Variants in ITPR1 observed in about 807,000 individuals in gnomAD.
ITPR1 encodes the protein inositol 1,4,5-trisphosphate-gated calcium channel ITPR1.
Under a neutral mutation model 318.4 loss-of-function variants are expected in ITPR1, and 96 were observed. The observed-to-expected ratio is 0.30, with a 90% CI of 0.26 to 0.36. The LOEUF (loss-of-function observed/expected upper bound fraction) is 0.36. Ranked by LOEUF, ITPR1 falls within the 10% of genes least tolerant of loss-of-function variation. The pLI is 1.00. For synonymous variants in ITPR1, 1,312 were observed against 1,289.9 expected, an observed-to-expected ratio of 1.02 and a Z score of -0.37; for missense variants, 2,440 against 3,460.2, an observed-to-expected ratio of 0.71 and a Z score of 7.40.
intron 60 of ITPR1, among the ~76,000 whole-genome samples, chr3:4,833,743 C>T (rs2050682351): frequency 6.6e-6 from 1 of 152,208 alleles, no homozygotes; most frequent in Non-Finnish European, 1.5e-5. Context: ...TGTGAAATGC[C>T]CTCATGCTTG....
chr3:4,771,972 T>TCTAA (rs1475716554), intron 46 of ITPR1, among the ~76,000 whole-genome samples: 1 of 152,118 alleles, frequency 6.6e-6, no homozygotes, highest in African/African-American at 2.4e-5. Flanking sequence ...CCCCCAGGGT[T>TCTAA]CTGCAGGGCC....
chr3:4,820,220 T>C (rs2049605631), intron 60 of ITPR1, among the ~76,000 whole-genome samples: 1 of 152,200 alleles, frequency 6.6e-6, no homozygotes, highest in Admixed American at 6.5e-5. Flanking sequence ...CACAGACCTG[T>C]CCACATGCAC....
At chr3:4,575,301 A>G (rs180981140) in intron 4 of ITPR1, among the ~76,000 whole-genome samples, 364 of 152,316 alleles carry the variant, frequency 2.4e-3, no homozygotes, top group African/African-American at 8.4e-3. Flanking sequence ...TTTAAATGGG[A>G]TTTATCTATC....
chr3:4,589,106 T>A (rs1354150841), intron 4 of ITPR1, among the ~76,000 whole-genome samples: 1 of 152,140 alleles, frequency 6.6e-6, no homozygotes, highest in East Asian at 1.9e-4. Context: ...GAGGGTTGCT[T>A]GAGCTCAGGA....
intron 44 of ITPR1, among the ~76,000 whole-genome samples, chr3:4,765,755 C>G (rs1397831699): frequency 6.6e-6 from 1 of 152,072 alleles, no homozygotes; most frequent in Non-Finnish European, 1.5e-5. Flanking sequence ...AGCGAATACT[C>G]ATAAATGAAG....
At chr3:4,792,320 G>A (rs1559905000) in intron 52 of ITPR1, among the ~76,000 whole-genome samples, 1 of 152,230 alleles carries the variant, frequency 6.6e-6, no homozygotes, top group Non-Finnish European at 1.5e-5. Context: ...TCAACATGTT[G>A]GAGGGGGGCA....
chr3:4,709,646 T>G (rs1337596878), intron 37 of ITPR1, among the ~76,000 whole-genome samples: 3 of 152,378 alleles, frequency 2.0e-5, no homozygotes, highest in Admixed American at 2.0e-4. Context: ...TTTGTTGTGT[T>G]GGTTTTGCTG....
intron 5 of ITPR1, among the ~76,000 whole-genome samples, chr3:4,635,478 C>A (rs1033826426): frequency 6.6e-6 from 1 of 151,514 alleles, no homozygotes; most frequent in Non-Finnish European, 1.5e-5. Context: ...GTAGCTGGGA[C>A]TACAGGTGCC....
intron 31 of ITPR1, 29 bp downstream of exon 31, chr3:4,688,649 A>G (rs2094434592): frequency 1.2e-6 from 2 of 1,603,482 alleles, no homozygotes; most frequent in Middle Eastern, 1.6e-4. Context: ...CTGCAAATCT[A>G]TAGAGGGAGG....
chr3:4,744,924 CCTTCCTTCCTTCCTTCCTTCCT>C, intron 44 of ITPR1, among the ~76,000 whole-genome samples: 2 of 102,438 alleles, frequency 2.0e-5, no homozygotes, highest in Non-Finnish European at 4.0e-5. Context: ...TTCCTTCCTT[CCTTCCTTCCTTCCTTCCTTCCT>C]TCCCTCCCTC....
At chr3:4,815,017 G>A (rs749665127) in intron 58 of ITPR1, 36 bp from the exon 59 acceptor site, 2 of 1,555,586 alleles carry the variant, frequency 1.3e-6, no homozygotes, top group Admixed American at 1.8e-5. Flanking sequence ...AGGGTCGCAA[G>A]GGACCCAGAC....
chr3:4,726,341 T>TAAAAAA (rs11294154), intron 41 of ITPR1, among the ~76,000 whole-genome samples: 2 of 146,240 alleles, frequency 1.4e-5, no homozygotes, highest in Non-Finnish European at 3.0e-5. Flanking sequence ...ATGATGCAGT[T>TAAAAAA]AAAAAAAAAA....
intron 44 of ITPR1, among the ~76,000 whole-genome samples, chr3:4,764,928 A>G (rs1315438245): frequency 6.7e-6 from 1 of 150,160 alleles, no homozygotes; most frequent in Non-Finnish European, 1.5e-5. Flanking sequence ...GACAAATGCA[A>G]AAATAAGTAG....
At position 4,735,892 on chromosome 3, in the gene ITPR1, A is replaced by T. The variant is rs530563420; in HGVS notation, c.5544+538A>T. Among the ~76,000 whole-genome samples, 5 of 152,376 alleles carry T rather than the reference A, an allele frequency of 3.3e-5. No individual in the cohort carries two copies. The South Asian group carries it at 8.3e-4, about 25-fold the overall frequency. On this transcript the variant is annotated intron_variant, in intron 44 of 61. Coordinates refer to ENST00000649015, the MANE Select transcript of ITPR1 (RefSeq NM_001378452.1). ...ACCAGGCTATGTTAGTCAGAAATGA[A>T]TAGATGACTTTTTGAAAGGTAGGTA...
In ITPR1 at chr3:4,689,619, T is replaced by A. The variant is rs569265142; in HGVS notation, c.3828+999T>A. Among the ~76,000 whole-genome samples the A allele has an allele frequency of 1.7e-3, 262 of 152,272 alleles. 1 individual carries two copies. Among genetic ancestry groups the A allele is most frequent in the African/African-American group, 5.8e-3 (240 of 41,548 alleles). ...GGATACTCAACCTGTGTTCCCTCAGTGTCATGTTAAGAGAAAGAAAAGTCA... is the reference window on the plus strand; with the variant it reads ...GGATACTCAACCTGTGTTCCCTCAGAGTCATGTTAAGAGAAAGAAAAGTCA... On this transcript the variant is annotated intron_variant, in intron 31 of 61. Transcript: ENST00000649015.
intron 37 of ITPR1, among the ~76,000 whole-genome samples, chr3:4,709,991 T>C (rs1392104491): frequency 1.3e-5 from 2 of 152,252 alleles, no homozygotes; most frequent in Non-Finnish European, 2.9e-5. Flanking sequence ...ACCTTTGTTA[T>C]GCCCATGTCA....
chr3:4,599,849 A>G (rs567107646), intron 4 of ITPR1, among the ~76,000 whole-genome samples: 2 of 152,272 alleles, frequency 1.3e-5, no homozygotes, highest in South Asian at 2.1e-4. Context: ...TGGAGTGCCA[A>G]TATGTAGGGT....
At chr3:4,604,035 A>G (rs2091509916) in intron 4 of ITPR1, among the ~76,000 whole-genome samples, 1 of 152,150 alleles carries the variant, frequency 6.6e-6, no homozygotes, top group Non-Finnish European at 1.5e-5. Flanking sequence ...CTGATGTGAG[A>G]TGGAGATGGT....
intron 37 of ITPR1, among the ~76,000 whole-genome samples, chr3:4,708,831 C>T (rs771718046): frequency 6.6e-6 from 1 of 152,188 alleles, no homozygotes; most frequent in African/African-American, 2.4e-5. Context: ...GAAATTCACT[C>T]GCAAACAGAC....
Sources: allele counts gnomAD v4.1 joint callset (sites outside exome capture counted in the v4.1 genomes callset), GRCh38; gene constraint gnomAD v4.1.1; transcripts MANE v1.5; gene names NCBI Gene and HGNC (gene_info 2026-07-23, HGNC 2026-07-21).